Variants in ICA1L observed in about 807,000 individuals in gnomAD.
ICA1L encodes the protein islet cell autoantigen 1-like protein.
In ICA1L, 50 loss-of-function variants were observed where a neutral mutation model predicts 61.3. The observed-to-expected ratio is 0.82, with a 90% CI of 0.65 to 1.03. The LOEUF is 1.03. Among genes scored for constraint, ICA1L ranks in the 50% least tolerant of loss-of-function variants. ICA1L has a pLI of 0.00. For synonymous variants in ICA1L, 161 were observed against 191.3 expected, an observed-to-expected ratio of 0.84 and a Z score of 1.31; for missense variants, 508 against 556.7, an observed-to-expected ratio of 0.91 and a Z score of 0.88.
chr2:202,795,008 T>A (rs183388042), intron 10 of ICA1L, among the ~76,000 whole-genome samples: 57 of 138,810 alleles, frequency 4.1e-4, no homozygotes, highest in East Asian at 6.3e-4. Flanking sequence ...AAGAAAATAA[T>A]AAAAAAAAAA....
At chr2:202,850,903 C>T (rs1297347162) in intron 1 of ICA1L, among the ~76,000 whole-genome samples, 1 of 152,082 alleles carries the variant, frequency 6.6e-6, no homozygotes, top group Non-Finnish European at 1.5e-5. Flanking sequence ...GGTCAGGTTA[C>T]CGACAAAGGG....
chr2:202,800,805 T>TA (rs990309375), intron 9 of ICA1L, among the ~76,000 whole-genome samples: 1 of 151,666 alleles, frequency 6.6e-6, no homozygotes, highest in African/African-American at 2.4e-5. Flanking sequence ...ATGGGAAAAG[T>TA]AAAAAAAGGT....
chr2:202,827,650 A>G (rs1693886423), intron 2 of ICA1L, among the ~76,000 whole-genome samples: 1 of 152,190 alleles, frequency 6.6e-6, no homozygotes, highest in African/African-American at 2.4e-5. Flanking sequence ...AAAACCTTAT[A>G]TATTCCCACT....
chr2:202,779,665 A>AAAAT lies in ICA1L; in HGVS notation c.1334-21_1334-18dup. 2.2e-6 allele frequency: 3 copies of AAAAT among 1,373,690 alleles called. No homozygotes were observed. The highest frequency in any genetic ancestry group is 3.1e-6 in the Non-Finnish European group (3 of 970,400). 85.1% of individuals were successfully genotyped at this position (1,373,690 alleles called of 1,614,324 possible). A position where few individuals can be genotyped will look rare whatever the true frequency, so the allele number is the denominator to read the frequency against. On this transcript the variant is annotated splice_polypyrimidine_tract_variant and intron_variant, in intron 12 of 12. Coordinates refer to ENST00000358299, the MANE Select transcript of ICA1L (RefSeq NM_001288622.3). ...TGTTGGGGGCTATTAAAAAAGAAAA[A>AAAAT]AAATACATTAAAGAGATTCAGTTTT...
chr2:202,840,375 C>T (rs1016514102), intron 1 of ICA1L: 13 of 489,338 alleles, frequency 2.7e-5, no homozygotes, highest in African/African-American at 1.4e-4. Flanking sequence ...AGCTTCCCAT[C>T]GTGGATCTCA....
Position 202,789,005 on chromosome 2 carries a change from A to G in ICA1L, c.1068T>C (p.Ser356=). 6.2e-7 allele frequency: 1 copy of G among 1,613,830 alleles called. No individual in the cohort carries two copies. The highest frequency in any genetic ancestry group is 8.5e-7 in the Non-Finnish European group (1 of 1,179,762). ...EFSFLNNLLS[S]GSSSTSEFTQ... is the part of the protein sequence containing the mutation. ...TAAATTCACTAGTACTTGAAGAACC[A>G]GAACTTAGGAGGTTGTTCAGAAATG... The change falls in exon 11 of 13, where the codon TCT becomes TCC. Residue 356 remains serine, a synonymous_variant. Coordinates refer to ENST00000358299, the MANE Select transcript of ICA1L (RefSeq NM_001288622.3).
chr2:202,826,254 TC>T (rs994752441), intron 2 of ICA1L, among the ~76,000 whole-genome samples: 117 of 152,282 alleles, frequency 7.7e-4, no homozygotes, highest in African/African-American at 2.6e-3. Flanking sequence ...ATTTTTATAT[TC>T]TTTTTTTAGA....
rs1692183029 is a variant in ICA1L, at chr2:202,775,133, T to C, written c.*4400A>G. 1 of 152,268 alleles carries C rather than the reference T, an allele frequency of 6.6e-6. No homozygotes were observed. Among genetic ancestry groups the C allele is most frequent in the Non-Finnish European group, 1.5e-5 (1 of 68,048 alleles). 9.4% of individuals were successfully genotyped at this position (152,268 alleles called of 1,614,324 possible). A position where few individuals can be genotyped will look rare whatever the true frequency, so the allele number is the denominator to read the frequency against. ...TTCTTATCTTGTCCCTTAGTTTTCT[T>C]TGCCATGTTTAAGCACTTTACTGTT... On this transcript the variant is annotated 3_prime_UTR_variant, in exon 13 of 13. Coordinates refer to ENST00000358299, the MANE Select transcript of ICA1L (RefSeq NM_001288622.3).
intron 10 of ICA1L, among the ~76,000 whole-genome samples, chr2:202,789,426 C>T (rs1311209046): frequency 6.6e-6 from 1 of 151,886 alleles, no homozygotes; most frequent in Non-Finnish European, 1.5e-5. Context: ...AAAAACAGGC[C>T]AAGAGGACAA....
chr2:202,811,502 A>C (rs1369630110), intron 9 of ICA1L, among the ~76,000 whole-genome samples: 1 of 151,860 alleles, frequency 6.6e-6, no homozygotes, highest in Non-Finnish European at 1.5e-5. Flanking sequence ...TACTAAAAAT[A>C]CAAAAAAAAA....
intron 9 of ICA1L, among the ~76,000 whole-genome samples, chr2:202,808,581 T>A (rs1363296018): frequency 6.6e-6 from 1 of 152,114 alleles, no homozygotes; most frequent in African/African-American, 2.4e-5. Context: ...TTCCTGCTGA[T>A]GGTAGAGCCC....
chr2:202,808,947 A>G (rs1159233892), intron 9 of ICA1L, among the ~76,000 whole-genome samples: 2 of 152,184 alleles, frequency 1.3e-5, no homozygotes, highest in African/African-American at 4.8e-5. Context: ...GACTACAAAG[A>G]CTATAATAAA....
intron 12 of ICA1L, among the ~76,000 whole-genome samples, chr2:202,782,173 C>T (rs1692427601): frequency 6.6e-6 from 1 of 151,902 alleles, no homozygotes; most frequent in Admixed American, 6.6e-5. Context: ...TGGTGAAAAC[C>T]CGTCCCTACC....
rs1174433614 is a variant in ICA1L at position 202,774,955 on chromosome 2, AT to A, written c.*4577del. ...TTACTCTTTGGCCAATGAGTAGTTAATTTACACCACTGAGTGAAGAACCATG... is the reference window on the plus strand; with the variant it reads ...TTACTCTTTGGCCAATGAGTAGTTAATTACACCACTGAGTGAAGAACCATG... On this transcript the variant is annotated 3_prime_UTR_variant, in exon 13 of 13. Coordinates refer to ENST00000358299, the MANE Select transcript of ICA1L (RefSeq NM_001288622.3). 1.3e-5 allele frequency: 2 copies of A among 152,246 alleles called. No individual in the cohort carries two copies. The highest frequency in any genetic ancestry group is 1.3e-4 in the Admixed American group (2 of 15,282). The allele number at this position is 152,246 out of a possible 1,614,324, so 9.4% of individuals were successfully genotyped here.
At position 202,796,967 on chromosome 2, in the gene ICA1L, A is replaced by G; in HGVS notation, c.911-3T>C. 1.3e-6 allele frequency: 2 copies of G among 1,587,114 alleles called. No homozygotes were observed. The highest frequency in any genetic ancestry group is 1.3e-5 in the African/African-American group (1 of 74,304). ...TTTTTCATTGTGATCTTTGTTTGCTAAATCAAAAGCACATAAAAGAGAAGT... is the reference window on the plus strand; with the variant it reads ...TTTTTCATTGTGATCTTTGTTTGCTGAATCAAAAGCACATAAAAGAGAAGT... On this transcript the variant is annotated splice_region_variant and splice_polypyrimidine_tract_variant and intron_variant, in intron 9 of 12. Coordinates refer to ENST00000358299, the MANE Select transcript of ICA1L (RefSeq NM_001288622.3).
In ICA1L at chr2:202,777,071, TTGA is replaced by T. The variant is rs1692248962; in HGVS notation, c.*2459_*2461del. 9.9e-6 allele frequency: 1 copy of T among 101,228 alleles called. No homozygotes were observed. The highest frequency in any genetic ancestry group is 1.1e-4 in the Admixed American group (1 of 8,952). 6.3% of individuals were successfully genotyped at this position (101,228 alleles called of 1,614,324 possible). On this transcript the variant is annotated 3_prime_UTR_variant, in exon 13 of 13. Transcript: ENST00000358299. ...TTTTTTTTTTTTTTTTTTTTTTTTT[TTGA>T]GAGAGTCGCTCTCTGTTGCCCAGGC... is the stretch of plus-strand genomic sequence containing the variant.
intron 1 of ICA1L, chr2:202,844,542 A>G (rs1003586001): frequency 6.6e-6 from 1 of 152,230 alleles, no homozygotes; most frequent in Non-Finnish European, 1.5e-5. Context: ...CACTAAAATT[A>G]AATTCAACAA....
intron 1 of ICA1L, among the ~76,000 whole-genome samples, chr2:202,831,365 T>G (rs1254969123): frequency 6.6e-6 from 1 of 152,236 alleles, no homozygotes; most frequent in African/African-American, 2.4e-5. Context: ...ACTTAGTTTT[T>G]CTTTCCCATC....
chr2:202,774,034 C>T lies in ICA1L; in HGVS notation c.*5499G>A. ...TTTTTTAAATTATGAACTAGCGCTG[C>T]TCCACTTCTTGCTTCTTTGATGTGT... is the stretch of plus-strand genomic sequence containing the variant. On this transcript the variant is annotated 3_prime_UTR_variant, in exon 13 of 13. Coordinates refer to ENST00000358299, the MANE Select transcript of ICA1L (RefSeq NM_001288622.3). 1 of 877,788 alleles carries T rather than the reference C, an allele frequency of 1.1e-6. No homozygotes were observed. The highest frequency in any genetic ancestry group is 1.8e-6 in the Non-Finnish European group (1 of 556,532). The allele number at this position is 877,788 out of a possible 1,614,324, so 54.4% of individuals were successfully genotyped here.
Sources: gnomAD v4.1 joint callset for allele counts (sites outside exome capture counted in the v4.1 genomes callset) on GRCh38, gnomAD v4.1.1 for gene constraint, MANE v1.5 for transcripts, NCBI Gene and HGNC (gene_info 2026-07-23, HGNC 2026-07-21) for gene names.